TMC1: variants seen among roughly 807,000 people sequenced by gnomAD.
The protein encoded by TMC1 is transmembrane channel-like protein 1.
In TMC1, 84 loss-of-function variants were observed where a neutral mutation model predicts 105.8. The observed-to-expected ratio is 0.79, with a 90% CI of 0.67 to 0.95. The LOEUF is 0.95. Among genes scored for constraint, TMC1 ranks in the 40% least tolerant of loss-of-function variants. TMC1 has a pLI of 0.00. For missense variants in TMC1, 817 were observed against 914.1 expected, an observed-to-expected ratio of 0.89 and a Z score of 1.37; for synonymous variants, 315 against 311.5, an observed-to-expected ratio of 1.01 and a Z score of -0.12.
At chr9:72,806,005 T>G (rs867649612) in intron 18 of TMC1, among the ~76,000 whole-genome samples, 57 of 152,136 alleles carry the variant, frequency 3.7e-4, no homozygotes, top group Middle Eastern at 3.4e-3. Context: ...TTCCCGCCTT[T>G]CTATTCCACA....
chr9:72,631,029 G>A (rs890501650), intron 4 of TMC1, among the ~76,000 whole-genome samples: 10 of 151,816 alleles, frequency 6.6e-5, no homozygotes, highest in African/African-American at 2.2e-4. Context: ...CATCACGCCC[G>A]GCTAATTTTT....
At chr9:72,725,043 T>G (rs1481081538) in intron 8 of TMC1, among the ~76,000 whole-genome samples, 2 of 151,874 alleles carry the variant, frequency 1.3e-5, no homozygotes, top group Non-Finnish European at 2.9e-5. Context: ...GGAAGAGTTA[T>G]CCAGATCTCA....
chr9:72,555,619 G>A (rs529913733), intron 1 of TMC1, among the ~76,000 whole-genome samples: 12 of 151,608 alleles, frequency 7.9e-5, no homozygotes, highest in Non-Finnish European at 1.6e-4. Flanking sequence ...TTTTGCCTCT[G>A]GACTTAACTC....
intron 5 of TMC1, among the ~76,000 whole-genome samples, chr9:72,683,464 G>A (rs1429673658): frequency 6.6e-6 from 1 of 151,526 alleles, no homozygotes; most frequent in African/African-American, 2.4e-5. Context: ...AGAGTTTTCA[G>A]AGTATAATAT....
At chr9:72,804,448 T>C (rs751614313) in intron 17 of TMC1, among the ~76,000 whole-genome samples, 2 of 152,232 alleles carry the variant, frequency 1.3e-5, no homozygotes, top group Admixed American at 6.5e-5. Context: ...TTCACATAGT[T>C]ATGCATCCAG....
rs187696901 is a variant in TMC1 at position 72,536,507 on chromosome 9, T to G, written c.-428+14594T>G. ...GCCACCATGCCTGGCTAATTTTTTGTATTTTTAGTAGAGACGGGGTTTCAC... is the reference window on the plus strand; with the variant it reads ...GCCACCATGCCTGGCTAATTTTTTGGATTTTTAGTAGAGACGGGGTTTCAC... On this transcript the variant is annotated intron_variant, in intron 1 of 23. Transcript: ENST00000297784. Among the ~76,000 whole-genome samples the G allele has an allele frequency of 1.8e-3, 272 of 152,270 alleles. 3 individuals carry two copies. The East Asian group carries it at 0.025, about 14-fold the overall frequency.
chr9:72,693,429 CT>C (rs1400810912), intron 6 of TMC1, among the ~76,000 whole-genome samples: 7 of 152,074 alleles, frequency 4.6e-5, no homozygotes, highest in African/African-American at 1.7e-4. Context: ...TGAAAGGGGG[CT>C]TGTCTCTCCT....
At chr9:72,620,419 G>A (rs1220245657) in intron 3 of TMC1, among the ~76,000 whole-genome samples, 4 of 143,918 alleles carry the variant, frequency 2.8e-5, no homozygotes, top group Non-Finnish European at 6.1e-5. Flanking sequence ...ATTAAAAAAA[G>A]AATTTTTTTT....
At chr9:72,746,982 A>G (rs998960536) in intron 10 of TMC1, among the ~76,000 whole-genome samples, 3 of 152,198 alleles carry the variant, frequency 2.0e-5, no homozygotes, top group Non-Finnish European at 4.4e-5. Flanking sequence ...AATATAATCT[A>G]TACCCATTGT....
At chr9:72,596,539 TAAAAAA>T (rs35140344) in intron 2 of TMC1, among the ~76,000 whole-genome samples, 3 of 102,274 alleles carry the variant, frequency 2.9e-5, no homozygotes, top group Admixed American at 1.1e-4. Context: ...GTTTCAATTG[TAAAAAA>T]AAAAAAAAAA....
chr9:72,827,009 T>A lies in TMC1; in HGVS notation c.2129+15T>A, dbSNP rs747921456. 75 of 1,613,790 alleles carry A rather than the reference T, an allele frequency of 4.6e-5. No homozygotes were observed. The East Asian group carries it at 1.4e-3, about 31-fold the overall frequency. ...TTGGTGATGGTGTATGTGCTTTTCC[T>A]CCTCATAGAAAGAGCCTCTGTGATG... On this transcript the variant is annotated intron_variant, in intron 21 of 23. Coordinates refer to ENST00000297784, the MANE Select transcript of TMC1 (RefSeq NM_138691.3).
chr9:72,797,054 G>T (rs189704239), intron 17 of TMC1, among the ~76,000 whole-genome samples: 1 of 151,964 alleles, frequency 6.6e-6, no homozygotes, highest in African/African-American at 2.4e-5. Flanking sequence ...AAAATTGCTC[G>T]CATTCTTATA....
At chr9:72,801,030 C>T (rs1188719691) in intron 17 of TMC1, among the ~76,000 whole-genome samples, 1 of 152,218 alleles carries the variant, frequency 6.6e-6, no homozygotes, top group Non-Finnish European at 1.5e-5. Flanking sequence ...CACCCTCATT[C>T]ATTGTTCTAT....
chr9:72,805,510 T>A lies in TMC1; in HGVS notation c.1695T>A (p.Tyr565Ter). The A allele has an allele frequency of 6.2e-7, 1 of 1,609,236 alleles. No homozygotes were observed. Among genetic ancestry groups the A allele is most frequent in the Non-Finnish European group, 8.5e-7 (1 of 1,177,900 alleles). ...GGTGCTGGGACTTGGAGTATGGATATGTAAGTATGATGTTAATTTTGCTTT... is the reference window on the plus strand; with the variant it reads ...GGTGCTGGGACTTGGAGTATGGATAAGTAAGTATGATGTTAATTTTGCTTT... ...YCWCWDLEYG[Y>*]PSYTEFDISG... The change falls in exon 18 of 24, where the codon TAT (tyrosine) becomes TAA (stop). Residue 565 changes from tyrosine to a stop codon, truncating the protein, a stop_gained and splice_region_variant. Transcript: ENST00000297784. LOFTEE classifies it high-confidence loss of function.
At position 72,816,128 on chromosome 9, in the gene TMC1, TTG is replaced by T. The variant is rs563515255; in HGVS notation, c.1696-11_1696-10del. 140 of 1,612,554 alleles carry T rather than the reference TTG, an allele frequency of 8.7e-5. No homozygotes were observed. The highest frequency in any genetic ancestry group is 5.0e-4 in the Middle Eastern group (3 of 6,060). ...ATGTGAGACGCTAATCCAATGAACA[TTG>T]TGTCTCCTCTAGCCTTCATACACCG... is the stretch of plus-strand genomic sequence containing the variant. On this transcript the variant is annotated splice_polypyrimidine_tract_variant and intron_variant, in intron 18 of 23. Transcript: ENST00000297784.
chr9:72,726,698 C>T (rs763841072), intron 8 of TMC1, among the ~76,000 whole-genome samples: 1 of 152,140 alleles, frequency 6.6e-6, no homozygotes, highest in Non-Finnish European at 1.5e-5. Context: ...ACTGATAGAT[C>T]AAAAGATAGA....
intron 1 of TMC1, among the ~76,000 whole-genome samples, chr9:72,534,324 A>T (rs567778977): frequency 2.8e-4 from 42 of 152,270 alleles, no homozygotes; most frequent in African/African-American, 9.6e-4. Flanking sequence ...TAGGGCCATG[A>T]AACAGAAATA....
At chr9:72,816,026 C>A in intron 18 of TMC1, 117 bp from the exon 19 acceptor site, 1 of 848,872 alleles carries the variant, frequency 1.2e-6, no homozygotes, top group Non-Finnish European at 2.0e-6. Flanking sequence ...AGTGATTATT[C>A]TGCTATTGTT....
intron 1 of TMC1, among the ~76,000 whole-genome samples, chr9:72,571,022 T>C (rs1264825215): frequency 6.8e-6 from 1 of 146,200 alleles, no homozygotes; most frequent in Non-Finnish European, 1.5e-5. Context: ...TTTTCAGATA[T>C]AGAAAACTAC....
Sources: allele counts gnomAD v4.1 joint callset (sites outside exome capture counted in the v4.1 genomes callset), GRCh38; gene constraint gnomAD v4.1.1; transcripts MANE v1.5; gene names NCBI Gene and HGNC (gene_info 2026-07-23, HGNC 2026-07-21).